The following SENP6 variants were observed in gnomAD, a reference collection of about 807,000 sequenced individuals.
The protein encoded by SENP6 is SUMO specific peptidase 6.
A neutral mutation model predicts 134.5 loss-of-function variants in SENP6; 41 were observed. The ratio of observed to expected loss-of-function variants is 0.30; its 90% CI spans 0.24 to 0.40. The LOEUF is 0.40. Among genes scored for constraint, SENP6 ranks in the 10% least tolerant of loss-of-function variants. The probability of loss-of-function intolerance (pLI) is 1.00; values close to 1 mark genes in which losing one functional copy is unlikely to be tolerated. For missense variants in SENP6, 1,248 were observed against 1,312.5 expected, an observed-to-expected ratio of 0.95 and a Z score of 0.76; for synonymous variants, 395 against 429.8, an observed-to-expected ratio of 0.92 and a Z score of 1.00.
chr6:75,643,957 T>C (rs900144223), intron 6 of SENP6: 4 of 152,114 alleles, frequency 2.6e-5, no homozygotes, highest in Non-Finnish European at 5.9e-5. Context: ...GGTGTCCAGA[T>C]CCTGGTTTCT....
intron 19 of SENP6, among the ~76,000 whole-genome samples, chr6:75,706,478 AC>A (rs1436531169): frequency 2.0e-5 from 3 of 152,118 alleles, no homozygotes; most frequent in Admixed American, 2.0e-4. Flanking sequence ...ATATACACAA[AC>A]TCCAGAGATT....
intron 16 of SENP6, among the ~76,000 whole-genome samples, chr6:75,689,208 T>A (rs745906515): frequency 6.6e-6 from 1 of 152,124 alleles, no homozygotes; most frequent in Non-Finnish European, 1.5e-5. Flanking sequence ...TACTCCAACC[T>A]GGGTGACAGA....
In SENP6 at chr6:75,659,255, C is replaced by T. The variant is rs1182028516; in HGVS notation, c.551-7C>T. 6.3e-7 allele frequency: 1 copy of T among 1,576,354 alleles called. No homozygotes were observed. Among genetic ancestry groups the T allele is most frequent in the Admixed American group, 2.1e-5 (1 of 48,690 alleles). On this transcript the variant is annotated splice_region_variant and splice_polypyrimidine_tract_variant and intron_variant, in intron 7 of 23. Coordinates refer to ENST00000447266, the MANE Select transcript of SENP6 (RefSeq NM_015571.4). The stretch of plus-strand genomic sequence containing the variant: ...ACTTAAAGTTTATTTTTTTCTCCTT[C>T]CTTTAGAACGTATAATGAAGAAAAC...
chr6:75,681,439 A>C (rs764581707), intron 16 of SENP6, among the ~76,000 whole-genome samples: 1 of 151,788 alleles, frequency 6.6e-6, no homozygotes, highest in South Asian at 2.1e-4. Context: ...TTTTCTTTAT[A>C]AATTACCCAG....
intron 3 of SENP6, among the ~76,000 whole-genome samples, chr6:75,625,856 G>A (rs60153843): frequency 1.7e-4 from 26 of 152,240 alleles, no homozygotes; most frequent in Admixed American, 9.2e-4. Context: ...GTGACAGAGC[G>A]AGACTCAGTC....
chr6:75,656,213 CAAAAA>C (rs5877459), intron 7 of SENP6, among the ~76,000 whole-genome samples: 14 of 108,730 alleles, frequency 1.3e-4, no homozygotes, highest in Admixed American at 9.8e-5. Flanking sequence ...GACTCCGTCT[CAAAAA>C]AAAAAAAAAA....
chr6:75,710,670 G>A lies in SENP6; in HGVS notation c.2821-658G>A, dbSNP rs141493060. Among the ~76,000 whole-genome samples, 13 of 152,274 alleles carry A rather than the reference G, an allele frequency of 8.5e-5. No homozygotes were observed. In the East Asian group the frequency reaches 2.1e-3, roughly 25 times the overall value. On this transcript the variant is annotated intron_variant, in intron 20 of 23. Coordinates refer to ENST00000447266, the MANE Select transcript of SENP6 (RefSeq NM_015571.4). ...TGGTTATAGCAGTTACCTGTGATGT[G>A]AACAAGCTAATGTAACTGCTTTATT...
chr6:75,695,879 C>T lies in SENP6; in HGVS notation c.2151C>T (p.Arg717=). 6.2e-7 allele frequency: 1 copy of T among 1,606,218 alleles called. No homozygotes were observed. Among genetic ancestry groups the T allele is most frequent in the Non-Finnish European group, 8.5e-7 (1 of 1,176,828 alleles). The change falls in exon 17 of 24, where the codon CGC becomes CGT. Residue 717 remains arginine (R), a synonymous_variant. Transcript: ENST00000447266. ...IHIFSSFFYK[R]LNQRERRNHE... Reference sequence around the variant, plus strand: ...TATTCAGTTCTTTTTTCTATAAACGCCTTAATCAGAGAGAGAGGAGAAATC... The same window carrying T: ...TATTCAGTTCTTTTTTCTATAAACGTCTTAATCAGAGAGAGAGGAGAAATC...
At chr6:75,700,928 C>A (rs570778000) in intron 18 of SENP6, among the ~76,000 whole-genome samples, 1 of 152,088 alleles carries the variant, frequency 6.6e-6, no homozygotes, top group Non-Finnish European at 1.5e-5. Context: ...TGATCTAAAT[C>A]CATAGGGTAC....
intron 1 of SENP6, among the ~76,000 whole-genome samples, chr6:75,619,359 T>G (rs2149827111): frequency 6.6e-6 from 1 of 152,284 alleles, no homozygotes; most frequent in Non-Finnish European, 1.5e-5. Context: ...CTTATTTCAC[T>G]TAGTAACTGT....
At chr6:75,675,045 A>G (rs760486436) in intron 11 of SENP6, among the ~76,000 whole-genome samples, 9 of 152,220 alleles carry the variant, frequency 5.9e-5, no homozygotes, top group Non-Finnish European at 1.3e-4. Flanking sequence ...AGAAAATACC[A>G]TGTTGTAACC....
intron 18 of SENP6, among the ~76,000 whole-genome samples, chr6:75,700,521 C>T (rs1444396542): frequency 6.6e-6 from 1 of 152,110 alleles, no homozygotes; most frequent in Non-Finnish European, 1.5e-5. Flanking sequence ...GGGTCTCACT[C>T]TGTCGCCCAG....
chr6:75,627,491 C>T (rs745602055), intron 3 of SENP6, among the ~76,000 whole-genome samples: 50 of 152,134 alleles, frequency 3.3e-4, no homozygotes, highest in Middle Eastern at 3.4e-3. Context: ...TGAGCAGGCA[C>T]GGTGTCTTTT....
chr6:75,672,802 T>C (rs988951154), intron 11 of SENP6, among the ~76,000 whole-genome samples: 7 of 152,148 alleles, frequency 4.6e-5, no homozygotes, highest in African/African-American at 1.4e-4. Context: ...CTCAGTGATA[T>C]AATTGGCATT....
At chr6:75,675,372 A>G in intron 11 of SENP6, 63 bp from the exon 12 acceptor site, 1 of 941,944 alleles carries the variant, frequency 1.1e-6, no homozygotes, top group Non-Finnish European at 1.6e-6. Context: ...GTATTTGAAT[A>G]AAAAAGTGAA....
At chr6:75,633,557 A>G in intron 3 of SENP6, 24 bp from the exon 4 acceptor site, 1 of 1,569,490 alleles carries the variant, frequency 6.4e-7, no homozygotes. Context: ...TTTTTGACTC[A>G]TATTTCTGGA....
At chr6:75,686,178 T>C (rs957723163) in intron 16 of SENP6, among the ~76,000 whole-genome samples, 3 of 152,206 alleles carry the variant, frequency 2.0e-5, no homozygotes, top group African/African-American at 7.2e-5. Context: ...TTGATCTCTG[T>C]TGGTTTAAAG....
chr6:75,614,498 C>A (rs1302723376), intron 1 of SENP6, among the ~76,000 whole-genome samples: 1 of 152,108 alleles, frequency 6.6e-6, no homozygotes, highest in African/African-American at 2.4e-5. Context: ...AAACTCCTGA[C>A]CTTGTGATCC....
At chr6:75,671,399 A>T (rs958785374) in intron 11 of SENP6, among the ~76,000 whole-genome samples, 1 of 152,156 alleles carries the variant, frequency 6.6e-6, no homozygotes, top group Non-Finnish European at 1.5e-5. Flanking sequence ...TCAAACTGAT[A>T]TTGTCCTTTT....
Sources: gnomAD v4.1 joint callset for allele counts (sites outside exome capture counted in the v4.1 genomes callset) on GRCh38, gnomAD v4.1.1 for gene constraint, MANE v1.5 for transcripts, NCBI Gene and HGNC (gene_info 2026-07-23, HGNC 2026-07-21) for gene names.